The following USP45 variants were observed in gnomAD, a reference collection of about 807,000 sequenced individuals.
USP45 encodes ubiquitin carboxyl-terminal hydrolase 45.
A neutral mutation model predicts 95.8 loss-of-function variants in USP45; 89 were observed. That is an observed-to-expected ratio of 0.93 (90% confidence interval 0.78 to 1.11). USP45 has a LOEUF of 1.11. USP45 is among the 50% of genes least tolerant of loss of function. USP45 has a pLI of 0.00. For missense variants in USP45, 898 were observed against 942.5 expected (o/e 0.95, Z 0.62); for synonymous variants, 281 against 316.2 (o/e 0.89, Z 1.18).
chr6:99,471,750 AT>A (rs1212060795), intron 9 of USP45, among the ~76,000 whole-genome samples: 2 of 152,196 alleles, frequency 1.3e-5, no homozygotes, highest in East Asian at 3.9e-4. Flanking sequence ...TTACTAAAAG[AT>A]TCTGGTGGCA....
intron 5 of USP45, among the ~76,000 whole-genome samples, chr6:99,491,370 A>G (rs1466538973): frequency 6.6e-6 from 1 of 152,242 alleles, no homozygotes; most frequent in Non-Finnish European, 1.5e-5. Context: ...CAGACAGAAC[A>G]GTCTGCTTCT....
chr6:99,445,132 T>G (rs1782245733), intron 14 of USP45, among the ~76,000 whole-genome samples: 1 of 152,224 alleles, frequency 6.6e-6, no homozygotes, highest in African/African-American at 2.4e-5. Context: ...TTACAACAGA[T>G]TGATAGGATC....
At chr6:99,505,508 A>G (rs970675872) in intron 4 of USP45, among the ~76,000 whole-genome samples, 45 of 152,006 alleles carry the variant, frequency 3.0e-4, no homozygotes, top group African/African-American at 1.1e-3. Flanking sequence ...TCTACTAAAA[A>G]TACAAAAATT....
rs1407482220 is a variant in USP45, at chr6:99,432,792, T to C, written c.*2924A>G. 6.6e-6 allele frequency: 1 copy of C among 152,668 alleles called. No homozygotes were observed. The highest frequency in any genetic ancestry group is 1.9e-4 in the East Asian group (1 of 5,208). The allele number at this position is 152,668 out of a possible 1,614,324, so 9.5% of individuals were successfully genotyped here. A position where few individuals can be genotyped will look rare whatever the true frequency, so the allele number is the denominator to read the frequency against. The stretch of plus-strand genomic sequence containing the variant: ...TTTTAAAAGGAATCAGGATGTCATT[T>C]TGTACTACAAAAATTAGATGAGGGT... On this transcript the variant is annotated 3_prime_UTR_variant, in exon 18 of 18. Transcript: ENST00000500704.
At chr6:99,506,767 C>T (rs1215784630) in intron 4 of USP45, among the ~76,000 whole-genome samples, 1 of 152,202 alleles carries the variant, frequency 6.6e-6, no homozygotes, top group Non-Finnish European at 1.5e-5. Flanking sequence ...TTATGCCCAG[C>T]TCTTCCCTCT....
chr6:99,514,196 A>G (rs1012580889), intron 1 of USP45, among the ~76,000 whole-genome samples: 1 of 152,188 alleles, frequency 6.6e-6, no homozygotes, highest in African/African-American at 2.4e-5. Flanking sequence ...TCATAATAGA[A>G]AAAGACACAA....
At chr6:99,492,259 C>A (rs1795337211) in intron 5 of USP45, among the ~76,000 whole-genome samples, 1 of 152,226 alleles carries the variant, frequency 6.6e-6, no homozygotes, top group Non-Finnish European at 1.5e-5. Context: ...CCACGCTTCA[C>A]TGTGTGATGC....
At position 99,509,602 on chromosome 6, in the gene USP45, C is replaced by G. The variant is rs9494581; in HGVS notation, c.100+519G>C. 2.7e-5 allele frequency among the ~76,000 whole-genome samples: 4 copies of G among 148,808 alleles called. No homozygotes were observed. In the Admixed American group the frequency reaches 2.7e-4, roughly 10 times the overall value. On this transcript the variant is annotated intron_variant, in intron 2 of 17. Transcript: ENST00000500704. The stretch of plus-strand genomic sequence containing the variant: ...GCTCCCAAAAGCCATCTGCCAAGCT[C>G]TGGTGGCTTGGTGACATGGTTTTAA...
In USP45 at chr6:99,510,211, TC is replaced by T. The variant is rs926257595; in HGVS notation, c.9del (p.Asp5IlefsTer30). 3 of 1,613,566 alleles carry T rather than the reference TC, an allele frequency of 1.9e-6. No individual in the cohort carries two copies. The highest frequency in any genetic ancestry group is 2.7e-5 in the African/African-American group (2 of 75,066). On this transcript the variant is annotated frameshift_variant, in exon 2 of 18. Coordinates refer to ENST00000500704, the MANE Select transcript of USP45 (RefSeq NM_001346022.3). LOFTEE classifies it high-confidence loss of function. ...TCAGGTAAAGCTTTAGTTGGATCTT[TC>T]ACCCGCATCTGTTATTTACTGAAGG... Reference protein sequence around the residue: MRVKDPTKALPEK... With the variant: MRXKDPTKALPEK...
At chr6:99,487,307 A>G (rs749964718) in intron 7 of USP45, among the ~76,000 whole-genome samples, 15 of 152,326 alleles carry the variant, frequency 9.8e-5, no homozygotes, top group Middle Eastern at 6.8e-3. Context: ...AAAATCATGA[A>G]GTGGACTTGC....
In USP45 at chr6:99,435,573, C is replaced by T. The variant is rs1453475587; in HGVS notation, c.*143G>A. 3.3e-6 allele frequency: 2 copies of T among 601,176 alleles called. No individual in the cohort carries two copies. Among genetic ancestry groups the T allele is most frequent in the African/African-American group, 1.9e-5 (1 of 52,340 alleles). 37.2% of individuals were successfully genotyped at this position (601,176 alleles called of 1,614,324 possible). A position where few individuals can be genotyped will look rare whatever the true frequency, so the allele number is the denominator to read the frequency against. ...AGTAAATTTACTTTAAAAGGGTTCA[C>T]CAAAATGGTGAAAAAGTTCAGGACC... is the stretch of plus-strand genomic sequence containing the variant. On this transcript the variant is annotated 3_prime_UTR_variant, in exon 18 of 18. Coordinates refer to ENST00000500704, the MANE Select transcript of USP45 (RefSeq NM_001346022.3).
chr6:99,449,468 C>T (rs955368187), intron 13 of USP45, among the ~76,000 whole-genome samples: 1 of 152,092 alleles, frequency 6.6e-6, no homozygotes. Context: ...GAAGAGCTAA[C>T]TATCCTAAAT....
intron 13 of USP45, among the ~76,000 whole-genome samples, chr6:99,448,288 C>T (rs752106376): frequency 6.6e-6 from 1 of 152,042 alleles, no homozygotes; most frequent in African/African-American, 2.4e-5. Context: ...AGTTAAAAAC[C>T]TTGAAAAAAG....
intron 15 of USP45, among the ~76,000 whole-genome samples, chr6:99,440,183 C>T (rs1162683897): frequency 6.6e-6 from 1 of 152,120 alleles, no homozygotes; most frequent in Non-Finnish European, 1.5e-5. Flanking sequence ...ATATATTCAA[C>T]TAAAGAGTAA....
At chr6:99,511,845 GTATATATATATATATATATA>G (rs751350306) in intron 1 of USP45, among the ~76,000 whole-genome samples, 11 of 22,804 alleles carry the variant, frequency 4.8e-4, no homozygotes, top group Non-Finnish European at 5.6e-4. Flanking sequence ...GTGAGTGTGT[GTATATATATATATATATATA>G]TATATATATA....
intron 12 of USP45, 71 bp from the exon 13 acceptor site, chr6:99,464,818 T>G: frequency 6.8e-7 from 1 of 1,462,800 alleles, no homozygotes. Flanking sequence ...CATCTTAAAA[T>G]TTTTGACTGA....
In USP45 at chr6:99,463,052, C is replaced by G. The variant is rs9389385; in HGVS notation, c.1308+1552G>C. 3.3e-3 allele frequency among the ~76,000 whole-genome samples: 503 copies of G among 152,170 alleles called. 23 individuals carry two copies. In the East Asian group the frequency reaches 0.087, roughly 26 times the overall value. ...ATTAATTTGCCAAATTAATACAAAT[C>G]ATTTCATATAAAAAAGTTTTTTTTG... On this transcript the variant is annotated intron_variant, in intron 13 of 17. Coordinates refer to ENST00000500704, the MANE Select transcript of USP45 (RefSeq NM_001346022.3).
chr6:99,498,132 C>G (rs972470203), intron 5 of USP45, among the ~76,000 whole-genome samples: 1 of 152,172 alleles, frequency 6.6e-6, no homozygotes, highest in African/African-American at 2.4e-5. Context: ...TCAGTAATGA[C>G]AGGAACTAGA....
In USP45 at chr6:99,468,528, T is replaced by C. The variant is rs1583176744; in HGVS notation, c.1015+9A>G. 6.4e-6 allele frequency: 10 copies of C among 1,571,918 alleles called. No individual in the cohort carries two copies. The highest frequency in any genetic ancestry group is 8.7e-6 in the Non-Finnish European group (10 of 1,150,546). ...TAAAGAAAAAAGTTTTAACAAAGAG[T>C]CAACATACCTTTGACTTTTTTTCTA... is the stretch of plus-strand genomic sequence containing the variant. On this transcript the variant is annotated intron_variant, in intron 10 of 17. Transcript: ENST00000500704.
Sources: allele counts gnomAD v4.1 joint callset (sites outside exome capture counted in the v4.1 genomes callset), GRCh38; gene constraint gnomAD v4.1.1; transcripts MANE v1.5; gene names NCBI Gene and HGNC (gene_info 2026-07-23, HGNC 2026-07-21).